Variants in GATAD2B observed in about 807,000 individuals in gnomAD.
GATAD2B encodes the protein transcriptional repressor p66-beta.
In GATAD2B, 8 loss-of-function variants were observed where a neutral mutation model predicts 64.3. The ratio of observed to expected loss-of-function variants is 0.12; its 90% CI spans 0.07 to 0.22. The LOEUF is 0.22. Among genes scored for constraint, GATAD2B ranks in the 10% least tolerant of loss-of-function variants. The pLI is 1.00. For synonymous variants in GATAD2B, 281 were observed against 271.3 expected, an observed-to-expected ratio of 1.04 and a Z score of -0.35; for missense variants, 453 against 752.0, an observed-to-expected ratio of 0.60 and a Z score of 4.65.
chr1:153,824,597 G>T (rs1015791619), intron 2 of GATAD2B, among the ~76,000 whole-genome samples: 1 of 135,428 alleles, frequency 7.4e-6, no homozygotes, highest in African/African-American at 2.7e-5. Flanking sequence ...GGGCAACAGA[G>T]CGAGACTCTG....
chr1:153,879,032 C>T (rs934611510), intron 1 of GATAD2B, among the ~76,000 whole-genome samples: 4 of 151,984 alleles, frequency 2.6e-5, no homozygotes, highest in Non-Finnish European at 4.4e-5. Context: ...CTCCGCCTCC[C>T]GGGTTCAAGC....
chr1:153,892,692 CTTT>C (rs144331770), intron 1 of GATAD2B, among the ~76,000 whole-genome samples: 12 of 97,834 alleles, frequency 1.2e-4, no homozygotes, highest in Non-Finnish European at 1.4e-4. Flanking sequence ...TGTAAGAAAC[CTTT>C]TTTTTTTTTT....
In GATAD2B at chr1:153,810,172, A is replaced by C; in HGVS notation, c.*5T>G. 1 of 1,607,148 alleles carries C rather than the reference A, an allele frequency of 6.2e-7. No homozygotes were observed. Among genetic ancestry groups the C allele is most frequent in the Non-Finnish European group, 8.5e-7 (1 of 1,176,804 alleles). ...AAGGATGGGGCAGTACAAGTGGAAC[A>C]GGCGTTATTTCTGTCCACTGATGGA... is the stretch of plus-strand genomic sequence containing the variant. On this transcript the variant is annotated 3_prime_UTR_variant, in exon 11 of 11. Transcript: ENST00000368655.
intron 4 of GATAD2B, 118 bp downstream of exon 4, chr1:153,818,672 TA>T: frequency 1.1e-6 from 1 of 896,336 alleles, no homozygotes; most frequent in Non-Finnish European, 1.7e-6. Flanking sequence ...TACTACAGAC[TA>T]AAAAACTACG....
At chr1:153,842,911 T>A (rs1675547599) in intron 1 of GATAD2B, among the ~76,000 whole-genome samples, 1 of 149,084 alleles carries the variant, frequency 6.7e-6, no homozygotes, top group South Asian at 2.1e-4. Context: ...CGCCTCGGCC[T>A]CCCAAAGTGC....
At chr1:153,855,506 G>A (rs1211756722) in intron 1 of GATAD2B, among the ~76,000 whole-genome samples, 2 of 151,554 alleles carry the variant, frequency 1.3e-5, no homozygotes, top group African/African-American at 2.4e-5. Context: ...CTGGGATTAC[G>A]GGCGTGAGCC....
At chr1:153,868,463 G>C (rs1007734526) in intron 1 of GATAD2B, among the ~76,000 whole-genome samples, 3 of 151,700 alleles carry the variant, frequency 2.0e-5, no homozygotes, top group Non-Finnish European at 2.9e-5. Flanking sequence ...CATGGGGGAC[G>C]GGGTGGGGGT....
chr1:153,818,722 T>C lies in GATAD2B; in HGVS notation c.597+69A>G, dbSNP rs1041697582. 2.7e-6 allele frequency: 4 copies of C among 1,464,112 alleles called. No homozygotes were observed. In the African/African-American group the frequency reaches 4.2e-5, roughly 15 times the overall value. 90.7% of individuals were successfully genotyped at this position (1,464,112 alleles called of 1,614,324 possible). ...AATGAGCCACCCAACTGAACCTACC[T>C]GGGGGAACCTACTCTCAAACCAGTT... On this transcript the variant is annotated intron_variant, in intron 4 of 10. Transcript: ENST00000368655.
At chr1:153,921,598 ACACACACACG>A (rs1386368033) in intron 1 of GATAD2B, among the ~76,000 whole-genome samples, 3 of 152,030 alleles carry the variant, frequency 2.0e-5, no homozygotes, top group South Asian at 4.1e-4. Context: ...TCTCTTACAC[ACACACACACG>A]CACACACACA....
chr1:153,818,185 G>A lies in GATAD2B; in HGVS notation c.598-14C>T, dbSNP rs369702796. On this transcript the variant is annotated splice_polypyrimidine_tract_variant and intron_variant, in intron 4 of 10. Coordinates refer to ENST00000368655, the MANE Select transcript of GATAD2B (RefSeq NM_020699.4). Reference sequence around the variant, plus strand: ...TACAACTGGAGTCTGGGAGAGGGAAGAGAAAATAAGACTGTGGCCAATAAT... The same window carrying A: ...TACAACTGGAGTCTGGGAGAGGGAAAAGAAAATAAGACTGTGGCCAATAAT... The A allele has an allele frequency of 1.9e-6, 3 of 1,582,918 alleles. No homozygotes were observed. The highest frequency in any genetic ancestry group is 2.7e-5 in the African/African-American group (2 of 73,008).
At chr1:153,871,923 C>A (rs1676679427) in intron 1 of GATAD2B, among the ~76,000 whole-genome samples, 2 of 152,026 alleles carry the variant, frequency 1.3e-5, no homozygotes, top group South Asian at 4.1e-4. Context: ...GCACTCCAGC[C>A]TGGGTGAGAA....
intron 1 of GATAD2B, among the ~76,000 whole-genome samples, chr1:153,875,266 G>T (rs139378787): frequency 6.6e-6 from 1 of 151,996 alleles, no homozygotes; most frequent in Non-Finnish European, 1.5e-5. Flanking sequence ...ATTAGACCAG[G>T]GGCATCCAAC....
chr1:153,921,816 A>G (rs1472294953), intron 1 of GATAD2B: 3 of 152,248 alleles, frequency 2.0e-5, no homozygotes, highest in Non-Finnish European at 4.4e-5. Context: ...ATGCTGGGGA[A>G]GAATCCAAAG....
chr1:153,808,314 C>T lies in GATAD2B; in HGVS notation c.*1863G>A, dbSNP rs1674171636. 1 of 152,478 alleles carries T rather than the reference C, an allele frequency of 6.6e-6. No individual in the cohort carries two copies. 9.4% of individuals were successfully genotyped at this position (152,478 alleles called of 1,614,324 possible). Reference sequence around the variant, plus strand: ...AGGAAAGAAAAAAGCCAGGAAGGCCCGTAGGGCCAGTATAGTCACCCACAG... The same window carrying T: ...AGGAAAGAAAAAAGCCAGGAAGGCCTGTAGGGCCAGTATAGTCACCCACAG... On this transcript the variant is annotated 3_prime_UTR_variant, in exon 11 of 11. Transcript: ENST00000368655.
intron 1 of GATAD2B, among the ~76,000 whole-genome samples, chr1:153,920,898 A>G (rs1678409988): frequency 6.6e-6 from 1 of 152,178 alleles, no homozygotes; most frequent in African/African-American, 2.4e-5. Flanking sequence ...CTAGTTATTC[A>G]TATAAGCTAT....
chr1:153,837,594 C>T (rs1675319873), intron 1 of GATAD2B, among the ~76,000 whole-genome samples: 1 of 151,856 alleles, frequency 6.6e-6, no homozygotes, highest in Non-Finnish European at 1.5e-5. Flanking sequence ...TATATTTTAC[C>T]ACAACAAAAT....
At chr1:153,900,418 A>AG (rs1372185066) in intron 1 of GATAD2B, among the ~76,000 whole-genome samples, 1 of 152,118 alleles carries the variant, frequency 6.6e-6, no homozygotes, top group East Asian at 1.9e-4. Context: ...TCCGTCTCAA[A>AG]AAAAAAAGAA....
At chr1:153,909,236 C>T (rs1002450287) in intron 1 of GATAD2B, among the ~76,000 whole-genome samples, 2 of 151,640 alleles carry the variant, frequency 1.3e-5, no homozygotes, top group South Asian at 2.1e-4. Flanking sequence ...TTTTTTGACA[C>T]GGAGTCTTGC....
At chr1:153,859,446 G>A (rs1294509815) in intron 1 of GATAD2B, among the ~76,000 whole-genome samples, 1 of 151,394 alleles carries the variant, frequency 6.6e-6, no homozygotes, top group Non-Finnish European at 1.5e-5. Flanking sequence ...CAGGTGGGTG[G>A]ATCACCTGAG....
Sources: gnomAD v4.1 joint callset for allele counts (sites outside exome capture counted in the v4.1 genomes callset) on GRCh38, gnomAD v4.1.1 for gene constraint, MANE v1.5 for transcripts, NCBI Gene and HGNC (gene_info 2026-07-23, HGNC 2026-07-21) for gene names.